The following SGCD variants were observed in gnomAD, a reference collection of about 807,000 sequenced individuals.
SGCD encodes delta-sarcoglycan.
A neutral mutation model predicts 36.6 loss-of-function variants in SGCD; 18 were observed. The ratio of observed to expected loss-of-function variants is 0.49; its 90% CI spans 0.34 to 0.73. SGCD has a LOEUF of 0.73. Ranked by LOEUF, SGCD falls within the 30% of genes least tolerant of loss-of-function variation. SGCD has a pLI of 0.01. For missense variants in SGCD, 387 were observed against 346.7 expected (o/e 1.12, Z -0.92); for synonymous variants, 133 against 130.6 (o/e 1.02, Z -0.12).
At chr5:156,092,284 C>A (rs2127594526) in intron 1 of SGCD, among the ~76,000 whole-genome samples, 1 of 152,310 alleles carries the variant, frequency 6.6e-6, no homozygotes, top group East Asian at 1.9e-4. Flanking sequence ...GCTCCTTTTG[C>A]CCTGCTTCAA....
At chr5:156,106,866 G>A (rs1217578123) in intron 1 of SGCD, among the ~76,000 whole-genome samples, 1 of 152,138 alleles carries the variant, frequency 6.6e-6, no homozygotes, top group African/African-American at 2.4e-5. Flanking sequence ...TGAGTCTCTA[G>A]TGATGCATTA....
chr5:155,984,322 C>A (rs1242866193), intron 1 of SGCD, among the ~76,000 whole-genome samples: 1 of 152,140 alleles, frequency 6.6e-6, no homozygotes, highest in East Asian at 1.9e-4. Flanking sequence ...TCATAGAATA[C>A]CAAGTGTAGG....
At chr5:156,421,878 A>G (rs1357956806) in intron 3 of SGCD, among the ~76,000 whole-genome samples, 1 of 152,086 alleles carries the variant, frequency 6.6e-6, no homozygotes. Context: ...CATGGCATTC[A>G]GCATAAATGT....
chr5:156,508,292 C>T (rs753284860), intron 3 of SGCD, among the ~76,000 whole-genome samples: 18 of 152,020 alleles, frequency 1.2e-4, no homozygotes, highest in Non-Finnish European at 2.5e-4. Context: ...TCCTACTTAC[C>T]TTCTCCCTCC....
intron 1 of SGCD, among the ~76,000 whole-genome samples, chr5:156,098,209 A>C (rs1761427601): frequency 3.3e-5 from 5 of 152,168 alleles, no homozygotes; most frequent in African/African-American, 1.2e-4. Flanking sequence ...CCCATCACAG[A>C]GTCAGTATTT....
intron 3 of SGCD, among the ~76,000 whole-genome samples, chr5:156,141,981 C>CCCA (rs1291250288): frequency 1.1e-4 from 16 of 152,128 alleles, no homozygotes; most frequent in Admixed American, 7.2e-4. Context: ...TCTGTCTCCA[C>CCCA]CCAAATGTCA....
intron 1 of SGCD, among the ~76,000 whole-genome samples, chr5:155,968,891 A>T (rs931583355): frequency 6.6e-6 from 1 of 152,138 alleles, no homozygotes; most frequent in African/African-American, 2.4e-5. Flanking sequence ...AGCAATATAT[A>T]GTTTTGTTTT....
At chr5:156,101,935 TGTGTGTGAGA>T (rs1304627259) in intron 1 of SGCD, among the ~76,000 whole-genome samples, 5 of 149,994 alleles carry the variant, frequency 3.3e-5, no homozygotes, top group African/African-American at 7.4e-5. Context: ...TGTGTGTGTG[TGTGTGTGAGA>T]GAGAGAGAGA....
intron 4 of SGCD, among the ~76,000 whole-genome samples, chr5:156,566,718 AAAT>A (rs1759492704): frequency 6.6e-6 from 1 of 152,222 alleles, no homozygotes; most frequent in Non-Finnish European, 1.5e-5. Flanking sequence ...ATATAAAAAT[AAAT>A]AATGATATAT....
At chr5:156,033,105 T>C (rs10475659) in intron 1 of SGCD, among the ~76,000 whole-genome samples, 57,551 of 151,496 alleles carry the variant, frequency 0.38, 12,230 homozygotes, top group African/African-American at 0.58. Context: ...AATAGAATAC[T>C]TTATAAAAAA....
chr5:156,048,721 A>G (rs1759839048), intron 1 of SGCD, among the ~76,000 whole-genome samples: 1 of 152,144 alleles, frequency 6.6e-6, no homozygotes, highest in Non-Finnish European at 1.5e-5. Flanking sequence ...GATTCTGGAT[A>G]TTAGCCTTTA....
At chr5:155,790,694 T>C in the SGCD span, among the ~76,000 whole-genome samples, 12 of 152,250 alleles carry the variant, frequency 7.9e-5, no homozygotes, top group East Asian at 2.1e-3. Context: ...TTCAGGTCTA[T>C]GCATCAAGAT....
chr5:156,472,521 G>A (rs936751734), intron 3 of SGCD, among the ~76,000 whole-genome samples: 7 of 152,078 alleles, frequency 4.6e-5, no homozygotes, highest in Middle Eastern at 3.2e-3. Context: ...ACGTTCAAGC[G>A]ATTCTTGTGC....
intron 4 of SGCD, among the ~76,000 whole-genome samples, chr5:156,574,118 T>TC (rs1181778944): frequency 6.6e-6 from 1 of 152,104 alleles, no homozygotes; most frequent in African/African-American, 2.4e-5. Flanking sequence ...TGCTATTCTC[T>TC]CCCCCATACT....
intron 1 of SGCD, among the ~76,000 whole-genome samples, chr5:155,986,579 G>A (rs756618546): frequency 2.6e-5 from 4 of 152,180 alleles, no homozygotes; most frequent in Non-Finnish European, 4.4e-5. Flanking sequence ...GGAGGGATAT[G>A]GATTGTGAAG....
chr5:155,790,107 G>T, the SGCD span, among the ~76,000 whole-genome samples: 3 of 151,882 alleles, frequency 2.0e-5, no homozygotes, highest in East Asian at 3.9e-4. Context: ...AAACAAACCC[G>T]TACAATTCAA....
At position 156,728,072 on chromosome 5, in the gene SGCD, T is replaced by C. The variant is rs192366315; in HGVS notation, c.576-29509T>C. Among the ~76,000 whole-genome samples the C allele has an allele frequency of 9.7e-4, 147 of 152,210 alleles. 2 individuals carry two copies. The highest frequency in any genetic ancestry group is 1.6e-3 in the Non-Finnish European group (111 of 67,998). ...TACTAGTGTTATCCTCTTGTAACAGTTGGGTAAACTGAAGCTTGGAGAAGT... is the reference window on the plus strand; with the variant it reads ...TACTAGTGTTATCCTCTTGTAACAGCTGGGTAAACTGAAGCTTGGAGAAGT... On this transcript the variant is annotated intron_variant, in intron 7 of 8. Transcript: ENST00000337851.
intron 4 of SGCD, among the ~76,000 whole-genome samples, chr5:156,519,717 T>C (rs566413349): frequency 5.3e-5 from 8 of 152,116 alleles, no homozygotes; most frequent in Non-Finnish European, 8.8e-5. Context: ...GTTCAACATA[T>C]GCAAATCAAA....
At chr5:155,892,915 T>C (rs1027242732) in intron 1 of SGCD, among the ~76,000 whole-genome samples, 4 of 152,258 alleles carry the variant, frequency 2.6e-5, no homozygotes, top group South Asian at 2.1e-4. Context: ...GTTAATCTTA[T>C]AGAAATAGAG....
Sources: allele counts gnomAD v4.1 joint callset (sites outside exome capture counted in the v4.1 genomes callset), GRCh38; gene constraint gnomAD v4.1.1; transcripts MANE v1.5; gene names NCBI Gene and HGNC (gene_info 2026-07-23, HGNC 2026-07-21).